Variants in AVL9 observed in about 807,000 individuals in gnomAD.
AVL9 encodes late secretory pathway protein AVL9 homolog.
Under a neutral mutation model 79.2 loss-of-function variants are expected in AVL9, and 49 were observed. The ratio of observed to expected loss-of-function variants is 0.62; its 90% CI spans 0.49 to 0.79. The LOEUF is 0.79. Ranked by LOEUF, AVL9 falls within the 30% of genes least tolerant of loss-of-function variation. The probability of loss-of-function intolerance (pLI) is 0.00; values close to 1 mark genes in which losing one functional copy is unlikely to be tolerated. For synonymous variants in AVL9, 299 were observed against 280.6 expected, an observed-to-expected ratio of 1.07 and a Z score of -0.65; for missense variants, 682 against 776.8, an observed-to-expected ratio of 0.88 and a Z score of 1.45.
chr7:32,580,391 A>C, intron 14 of AVL9, 119 bp downstream of exon 14: 1 of 751,078 alleles, frequency 1.3e-6, no homozygotes, highest in Non-Finnish European at 2.2e-6. Flanking sequence ...AATAGTAACC[A>C]AATATGTGCA....
chr7:32,557,865 T>TGTTTG (rs55758962), intron 8 of AVL9, among the ~76,000 whole-genome samples: 4,972 of 148,164 alleles, frequency 0.034, 266 homozygotes, highest in African/African-American at 0.11. Flanking sequence ...TTTTTTTTTT[T>TGTTTG]TTTTTTTTGA....
intron 1 of AVL9, among the ~76,000 whole-genome samples, chr7:32,509,554 A>AG (rs554600886): frequency 6.6e-6 from 1 of 152,152 alleles, no homozygotes. Context: ...CCAGTTCCAA[A>AG]GGTAGAGGCT....
chr7:32,524,317 A>G (rs1583516014), intron 1 of AVL9, among the ~76,000 whole-genome samples: 1 of 152,150 alleles, frequency 6.6e-6, no homozygotes, highest in South Asian at 2.1e-4. Context: ...GGAGTTTAAC[A>G]CCAGCCTGGC....
At chr7:32,562,357 A>G (rs1002139323) in intron 10 of AVL9, among the ~76,000 whole-genome samples, 4 of 152,196 alleles carry the variant, frequency 2.6e-5, no homozygotes, top group African/African-American at 9.7e-5. Flanking sequence ...AATATTATAC[A>G]TATGTATTTA....
intron 1 of AVL9, among the ~76,000 whole-genome samples, chr7:32,507,284 A>C (rs1583487624): frequency 6.6e-6 from 1 of 152,218 alleles, no homozygotes; most frequent in African/African-American, 2.4e-5. Context: ...TCATACATAC[A>C]CAGAAAAGTG....
chr7:32,541,136 C>T (rs1227818982), intron 1 of AVL9, among the ~76,000 whole-genome samples: 11 of 151,748 alleles, frequency 7.2e-5, no homozygotes, highest in African/African-American at 2.4e-4. Context: ...CTCCTGACCT[C>T]GTGATCCGCC....
intron 10 of AVL9, among the ~76,000 whole-genome samples, chr7:32,563,092 C>T (rs577908441): frequency 3.3e-5 from 5 of 152,206 alleles, no homozygotes; most frequent in African/African-American, 7.2e-5. Flanking sequence ...AGTACAGTGG[C>T]GTGATGTCTG....
At chr7:32,527,822 C>T (rs1420346914) in intron 1 of AVL9, among the ~76,000 whole-genome samples, 1 of 152,164 alleles carries the variant, frequency 6.6e-6, no homozygotes, top group African/African-American at 2.4e-5. Context: ...GTGTTCCACC[C>T]ACCCACCCAC....
At position 32,585,396 on chromosome 7, in the gene AVL9, T is replaced by C. The variant is rs532877913; in HGVS notation, c.*1489T>C. On this transcript the variant is annotated 3_prime_UTR_variant, in exon 16 of 16. Transcript: ENST00000318709. ...CATGTGTGTGCCATCTACTGATGAT[T>C]TGTACACAGCTGGACCTCGTGTGTT... 2.0e-5 allele frequency: 3 copies of C among 152,320 alleles called. No homozygotes were observed. Among genetic ancestry groups the C allele is most frequent in the East Asian group, 1.9e-4 (1 of 5,180 alleles). 9.4% of individuals were successfully genotyped at this position (152,320 alleles called of 1,614,324 possible). A position where few individuals can be genotyped will look rare whatever the true frequency, so the allele number is the denominator to read the frequency against.
chr7:32,580,332 C>T (rs2128156792), intron 14 of AVL9, 60 bp downstream of exon 14: 2 of 1,332,370 alleles, frequency 1.5e-6, no homozygotes, highest in Non-Finnish European at 2.1e-6. Context: ...CCATGTGTTT[C>T]ATTGCTAATT....
rs79180040 is a variant in AVL9, at chr7:32,543,042, C to T, written c.94-99C>T. 4.2e-3 allele frequency: 6,287 copies of T among 1,484,542 alleles called. 220 individuals are homozygous for T. The African/African-American group carries it at 0.075, about 18-fold the overall frequency. 92.0% of individuals were successfully genotyped at this position (1,484,542 alleles called of 1,614,324 possible). On this transcript the variant is annotated intron_variant, in intron 1 of 15. Coordinates refer to ENST00000318709, the MANE Select transcript of AVL9 (RefSeq NM_015060.3). ...TGACATTATACAGTGTGGCTTATCC[C>T]GACTTCTGTCATTCAGGGTTTAAAA...
At chr7:32,516,430 A>G (rs1241207979) in intron 1 of AVL9, among the ~76,000 whole-genome samples, 1 of 152,118 alleles carries the variant, frequency 6.6e-6, no homozygotes, top group Non-Finnish European at 1.5e-5. Context: ...ACTGAAACTC[A>G]TTTTCATAGA....
At chr7:32,570,774 C>A (rs1342206931) in intron 11 of AVL9, among the ~76,000 whole-genome samples, 2 of 151,356 alleles carry the variant, frequency 1.3e-5, no homozygotes. Context: ...TGCCCGCCAC[C>A]ACGCTCGGCT....
intron 10 of AVL9, chr7:32,562,582 T>G: frequency 1.0e-6 from 1 of 970,930 alleles, no homozygotes; most frequent in Non-Finnish European, 1.2e-6. Flanking sequence ...CATTTCTTAA[T>G]GTCAGTAATG....
intron 1 of AVL9, among the ~76,000 whole-genome samples, chr7:32,518,684 G>A (rs1583505251): frequency 6.6e-6 from 1 of 152,206 alleles, no homozygotes; most frequent in East Asian, 1.9e-4. Context: ...TGACAGGGTT[G>A]TTTAAGAAAG....
chr7:32,552,405 A>G (rs561718442), intron 6 of AVL9, 110 bp downstream of exon 6: 2 of 615,706 alleles, frequency 3.2e-6, no homozygotes, highest in Admixed American at 5.8e-5. Context: ...TGGGATCTAA[A>G]TTCTTCAACA....
intron 15 of AVL9, 143 bp from the exon 16 acceptor site, chr7:32,583,649 A>C (rs993109794): frequency 1.8e-6 from 1 of 547,316 alleles, no homozygotes; most frequent in African/African-American, 1.9e-5. Context: ...ACTGCACTCC[A>C]GCCTGGGCGA....
At chr7:32,529,213 G>A (rs1024568333) in intron 1 of AVL9, among the ~76,000 whole-genome samples, 1 of 152,222 alleles carries the variant, frequency 6.6e-6, no homozygotes, top group Non-Finnish European at 1.5e-5. Flanking sequence ...AGCAGAAGAG[G>A]TTGGCTTTGT....
chr7:32,576,866 C>T (rs1448990104), intron 13 of AVL9, among the ~76,000 whole-genome samples: 1 of 152,114 alleles, frequency 6.6e-6, no homozygotes, highest in Non-Finnish European at 1.5e-5. Flanking sequence ...TAAAATTCAA[C>T]AAAACTTAAT....
Sources: gnomAD v4.1 joint callset for allele counts (sites outside exome capture counted in the v4.1 genomes callset) on GRCh38, gnomAD v4.1.1 for gene constraint, MANE v1.5 for transcripts, NCBI Gene and HGNC (gene_info 2026-07-23, HGNC 2026-07-21) for gene names.